TSPAN11: variants seen among roughly 807,000 people sequenced by gnomAD.
TSPAN11 encodes the protein tetraspanin 11, also known as tetraspanin-11.
In TSPAN11, 29 loss-of-function variants were observed where a neutral mutation model predicts 32.9. The ratio of observed to expected loss-of-function variants is 0.88; its 90% CI spans 0.66 to 1.20. TSPAN11 has a LOEUF of 1.20. TSPAN11 is among the 50% of genes most tolerant of loss of function. The pLI, the probability that TSPAN11 is intolerant of heterozygous loss-of-function variation, is 0.00. For synonymous variants in TSPAN11, 140 were observed against 141.3 expected, an observed-to-expected ratio of 0.99 and a Z score of 0.07; for missense variants, 283 against 329.1, an observed-to-expected ratio of 0.86 and a Z score of 1.08.
intron 1 of TSPAN11, among the ~76,000 whole-genome samples, chr12:30,946,959 T>C (rs1383698153): frequency 6.6e-6 from 1 of 152,062 alleles, no homozygotes; most frequent in Non-Finnish European, 1.5e-5. Flanking sequence ...CTCCCATTGG[T>C]TCAAGAAGCC....
intron 3 of TSPAN11, among the ~76,000 whole-genome samples, chr12:30,977,459 G>C (rs1032295230): frequency 2.0e-4 from 30 of 152,174 alleles, no homozygotes; most frequent in Non-Finnish European, 3.8e-4. Context: ...CAGTGCCCGG[G>C]GGCAGCCTGG....
chr12:31,002,971 C>G, the TSPAN11 span, among the ~76,000 whole-genome samples: 1 of 152,150 alleles, frequency 6.6e-6, no homozygotes, highest in Non-Finnish European at 1.5e-5. The surrounding 1 kb of genome is among the most constrained non-coding windows in gnomAD (Gnocchi z 4.8). Flanking sequence ...GCCAGCCGCC[C>G]GGAGGCAGTT....
chr12:30,991,234 G>A (rs1592500431), intron 7 of TSPAN11, among the ~76,000 whole-genome samples: 1 of 152,294 alleles, frequency 6.6e-6, no homozygotes, highest in Non-Finnish European at 1.5e-5. Flanking sequence ...GAGCTCACCA[G>A]CTCTTATTCT....
chr12:30,973,249 C>T (rs986007497), intron 3 of TSPAN11, among the ~76,000 whole-genome samples: 13 of 152,286 alleles, frequency 8.5e-5, no homozygotes, highest in Admixed American at 1.3e-4. Context: ...ATCTATAAAG[C>T]GAGGCTGATG....
downstream of TSPAN11, among the ~76,000 whole-genome samples, chr12:31,001,295 T>A (rs189229600): frequency 6.6e-6 from 1 of 152,314 alleles, no homozygotes; most frequent in African/African-American, 2.4e-5. Flanking sequence ...ACACATCTCC[T>A]TCCACTCCTT....
the TSPAN11 span, among the ~76,000 whole-genome samples, chr12:31,007,799 G>A: frequency 3.9e-5 from 6 of 152,288 alleles, no homozygotes; most frequent in Non-Finnish European, 2.9e-5. Flanking sequence ...CAAGAACTTC[G>A]TCTCGGGGAG....
chr12:30,978,356 A>G, intron 3 of TSPAN11: 1 of 606,640 alleles, frequency 1.6e-6, no homozygotes, highest in Non-Finnish European at 3.0e-6. Context: ...TACATGCCGT[A>G]CTGAATTGTC....
chr12:30,968,850 C>T (rs1286430211), intron 3 of TSPAN11, among the ~76,000 whole-genome samples: 2 of 152,190 alleles, frequency 1.3e-5, no homozygotes, highest in Admixed American at 6.5e-5. Context: ...CTAAAGTCCA[C>T]AATCAAAGGT....
In TSPAN11 at chr12:30,966,533, A is replaced by G. The variant is rs4418893; in HGVS notation, c.276+2516A>G. On this transcript the variant is annotated intron_variant, in intron 3 of 7. Coordinates refer to ENST00000546076, the MANE Select transcript of TSPAN11 (RefSeq NM_001370302.1). ...GAGGTCATATTCACCCCCATTTTCC[A>G]GATGAAGAAACTGGGCTGAGATGTG... 0.034 allele frequency among the ~76,000 whole-genome samples: 5,146 copies of G among 152,304 alleles called. 517 individuals carry two copies. The East Asian group carries it at 0.37, about 11-fold the overall frequency.
chr12:31,004,188 T>C, the TSPAN11 span, among the ~76,000 whole-genome samples: 1 of 152,178 alleles, frequency 6.6e-6, no homozygotes, highest in African/African-American at 2.4e-5. Flanking sequence ...TTCTTGACTT[T>C]TTCATAACTG....
intron 1 of TSPAN11, among the ~76,000 whole-genome samples, chr12:30,943,691 C>T (rs1045120212): frequency 2.0e-5 from 3 of 152,192 alleles, no homozygotes; most frequent in African/African-American, 4.8e-5. Context: ...GAGCTGAGCT[C>T]GGGATCCTTT....
intron 1 of TSPAN11, among the ~76,000 whole-genome samples, chr12:30,951,655 A>G (rs919404861): frequency 6.6e-6 from 1 of 152,348 alleles, no homozygotes; most frequent in Non-Finnish European, 1.5e-5. Flanking sequence ...GGCACATAGT[A>G]AGTGTTCCAT....
the TSPAN11 span, among the ~76,000 whole-genome samples, chr12:31,005,381 C>T: frequency 5.3e-5 from 8 of 152,218 alleles, no homozygotes; most frequent in African/African-American, 1.4e-4. Context: ...CAGCAGCCTC[C>T]GCAAGGGTAG....
chr12:30,973,148 A>G (rs1479392722), intron 3 of TSPAN11, among the ~76,000 whole-genome samples: 1 of 152,168 alleles, frequency 6.6e-6, no homozygotes, highest in African/African-American at 2.4e-5. Flanking sequence ...CAGGTTCTGC[A>G]GCTGGAACTC....
At chr12:30,982,803 C>G in intron 6 of TSPAN11, 113 bp downstream of exon 6, 2 of 1,418,990 alleles carry the variant, frequency 1.4e-6, no homozygotes, top group Non-Finnish European at 1.9e-6. Flanking sequence ...GACACATGTG[C>G]TCCTTGGCCA....
intron 1 of TSPAN11, among the ~76,000 whole-genome samples, chr12:30,948,652 C>CTG (rs1938318831): frequency 6.6e-6 from 1 of 152,182 alleles, no homozygotes; most frequent in Non-Finnish European, 1.5e-5. Flanking sequence ...ACCCTGGACT[C>CTG]GTCCCACAAA....
At chr12:30,999,112 C>G (rs1383089491), downstream of TSPAN11, 1 of 152,120 alleles carries the variant, frequency 6.6e-6, no homozygotes, top group African/African-American at 2.4e-5. Context: ...TCCAGGAGTT[C>G]TAGCCTGGGC....
chr12:30,978,860 G>A, intron 4 of TSPAN11: 1 of 546,568 alleles, frequency 1.8e-6, no homozygotes, highest in South Asian at 2.8e-5. Context: ...TGGGAGCTGG[G>A]GACGGGGGCT....
intron 1 of TSPAN11, among the ~76,000 whole-genome samples, chr12:30,951,503 A>G (rs866417683): frequency 2.5e-4 from 38 of 152,214 alleles, no homozygotes; most frequent in African/African-American, 8.2e-4. Flanking sequence ...TGGCTTTGTC[A>G]TGTACTTGCT....
Sources: gnomAD v4.1 joint callset for allele counts (sites outside exome capture counted in the v4.1 genomes callset) on GRCh38, gnomAD v4.1.1 for gene constraint, Gnocchi (gnomAD v3.1) non-coding constraint, MANE v1.5 for transcripts, NCBI Gene and HGNC (gene_info 2026-07-23, HGNC 2026-07-21) for gene names.